The following KDM2A variants were observed in gnomAD, a reference collection of about 807,000 sequenced individuals.
KDM2A encodes the protein lysine-specific demethylase 2A.
Under a neutral mutation model 137.3 loss-of-function variants are expected in KDM2A, and 3 were observed. That is an observed-to-expected ratio of 0.02 (90% CI 0.01 to 0.06). KDM2A has a LOEUF of 0.06. Among genes scored for constraint, KDM2A ranks in the 10% least tolerant of loss-of-function variants. KDM2A has a pLI of 1.00. For synonymous variants in KDM2A, 512 were observed against 541.5 expected (o/e 0.95, Z 0.76); for missense variants, 738 against 1,510.6 (o/e 0.49, Z 8.48).
At chr11:67,235,897 C>T (rs560977843) in intron 12 of KDM2A, among the ~76,000 whole-genome samples, 10 of 152,222 alleles carry the variant, frequency 6.6e-5, no homozygotes, top group East Asian at 3.9e-4. Flanking sequence ...GGATTACAGG[C>T]GTGAGCCACT....
intron 6 of KDM2A, among the ~76,000 whole-genome samples, chr11:67,214,265 C>T (rs990781273): frequency 4.4e-5 from 6 of 137,316 alleles, no homozygotes; most frequent in African/African-American, 8.3e-5. Flanking sequence ...AGTGCAGTGG[C>T]GCAATCTCGG....
intron 2 of KDM2A, among the ~76,000 whole-genome samples, chr11:67,173,787 A>G (rs536536106): frequency 6.6e-6 from 1 of 152,236 alleles, no homozygotes; most frequent in East Asian, 1.9e-4. Flanking sequence ...ATCATAACTC[A>G]TGGCAGCCTC....
chr11:67,190,939 A>G (rs1451407259), intron 5 of KDM2A, among the ~76,000 whole-genome samples: 1 of 152,230 alleles, frequency 6.6e-6, no homozygotes, highest in East Asian at 1.9e-4. Context: ...CCCAACGAAG[A>G]AAAGGCTGGG....
At chr11:67,229,264 G>C (rs964712773) in intron 11 of KDM2A, among the ~76,000 whole-genome samples, 1 of 152,190 alleles carries the variant, frequency 6.6e-6, no homozygotes, top group Non-Finnish European at 1.5e-5. Context: ...CAAAGCTACA[G>C]CTTTTAGAGT....
intron 2 of KDM2A, among the ~76,000 whole-genome samples, chr11:67,149,869 C>T (rs569622090): frequency 6.6e-6 from 1 of 151,832 alleles, no homozygotes; most frequent in Non-Finnish European, 1.5e-5. Flanking sequence ...TACAGGCATG[C>T]GCCACCAGTC....
chr11:67,219,481 G>A (rs1051079525), intron 10 of KDM2A, 78 bp downstream of exon 10: 9 of 649,890 alleles, frequency 1.4e-5, no homozygotes, highest in Non-Finnish European at 2.1e-5. Context: ...ATTCACTGAT[G>A]GTTTATCAAA....
At position 67,254,124 on chromosome 11, in the gene KDM2A, T is replaced by A; in HGVS notation, c.3092-79T>A. The A allele has an allele frequency of 1.5e-6, 2 of 1,308,650 alleles. No individual in the cohort carries two copies. The highest frequency in any genetic ancestry group is 1.1e-6 in the Non-Finnish European group (1 of 941,596). The allele number at this position is 1,308,650 out of a possible 1,614,324, so 81.1% of individuals were successfully genotyped here. A position where few individuals can be genotyped will look rare whatever the true frequency, so the allele number is the denominator to read the frequency against. On this transcript the variant is annotated intron_variant, in intron 19 of 20. Coordinates refer to ENST00000529006, the MANE Select transcript of KDM2A (RefSeq NM_012308.3). This position sits in a 1 kb window ranked among gnomAD's most constrained non-coding sequence, Gnocchi z 4.7. ...CCTTCAAGGGGGCCTGGCCAGCAAGTAGCTGTTGCTGCCTGGAGCCTTGAA... is the reference window on the plus strand; with the variant it reads ...CCTTCAAGGGGGCCTGGCCAGCAAGAAGCTGTTGCTGCCTGGAGCCTTGAA...
intron 5 of KDM2A, among the ~76,000 whole-genome samples, chr11:67,182,903 C>T (rs6591235): frequency 0.12 from 18,300 of 152,200 alleles, 3,086 homozygotes; most frequent in African/African-American, 0.38. Context: ...TTCTTCCTAG[C>T]ACTAGAATTT....
Position 67,209,840 on chromosome 11 carries a change from C to G in KDM2A, c.486+2152C>G, listed in dbSNP as rs141631926. ...CTTTGGGAGGCTGAGGTGGGAGTATCCCTTGAGCCTAGGAGTTCAAGACCA... is the reference window on the plus strand; with the variant it reads ...CTTTGGGAGGCTGAGGTGGGAGTATGCCTTGAGCCTAGGAGTTCAAGACCA... On this transcript the variant is annotated intron_variant, in intron 6 of 20. Coordinates refer to ENST00000529006, the MANE Select transcript of KDM2A (RefSeq NM_012308.3). Among the ~76,000 whole-genome samples the G allele has an allele frequency of 5.4e-3, 816 of 152,188 alleles. 13 individuals carry two copies. The highest frequency in any genetic ancestry group is 0.018 in the African/African-American group (763 of 41,504).
chr11:67,238,253 G>A (rs536396825), intron 12 of KDM2A, among the ~76,000 whole-genome samples: 18 of 152,226 alleles, frequency 1.2e-4, no homozygotes, highest in African/African-American at 3.9e-4. Flanking sequence ...GAGTTTCCTA[G>A]TGCCCGATGT....
Position 67,255,058 on chromosome 11 carries a change from C to T in KDM2A, c.*3C>T. The T allele has an allele frequency of 6.2e-7, 1 of 1,606,334 alleles. No homozygotes were observed. On this transcript the variant is annotated 3_prime_UTR_variant, in exon 21 of 21. Coordinates refer to ENST00000529006, the MANE Select transcript of KDM2A (RefSeq NM_012308.3). ...AGCTGATACAGAAGATCAGCTAAGACACACCCAGCCCAGATTCAACAGGAA... is the reference window on the plus strand; with the variant it reads ...AGCTGATACAGAAGATCAGCTAAGATACACCCAGCCCAGATTCAACAGGAA...
chr11:67,174,250 T>C (rs924157683), intron 2 of KDM2A, among the ~76,000 whole-genome samples: 4 of 152,094 alleles, frequency 2.6e-5, no homozygotes, highest in Admixed American at 2.6e-4. Context: ...AGAGTAAGAC[T>C]CTGTCTCAAA....
intron 2 of KDM2A, among the ~76,000 whole-genome samples, chr11:67,148,129 A>C (rs1312862031): frequency 6.6e-6 from 1 of 152,098 alleles, no homozygotes; most frequent in Non-Finnish European, 1.5e-5. Flanking sequence ...TCCTTTAAGA[A>C]AACTTTGGGG....
intron 6 of KDM2A, among the ~76,000 whole-genome samples, chr11:67,213,030 C>T (rs1257186837): frequency 4.6e-5 from 7 of 152,130 alleles, no homozygotes; most frequent in Non-Finnish European, 1.0e-4. Context: ...ATTGTTGGCT[C>T]CCTGAGCAGA....
At chr11:67,240,606 T>G (rs1187998297) in intron 12 of KDM2A, among the ~76,000 whole-genome samples, 2 of 152,152 alleles carry the variant, frequency 1.3e-5, no homozygotes, top group Non-Finnish European at 2.9e-5. Flanking sequence ...CACCTTCTGT[T>G]CTCTTTCCCT....
chr11:67,251,545 C>T (rs1030065669), intron 17 of KDM2A, among the ~76,000 whole-genome samples: 6 of 152,318 alleles, frequency 3.9e-5, no homozygotes, highest in African/African-American at 1.2e-4. Context: ...CATCCTATTA[C>T]AGTAGTGTGG....
intron 8 of KDM2A, among the ~76,000 whole-genome samples, chr11:67,216,861 G>A (rs765365788): frequency 1.3e-5 from 2 of 151,892 alleles, no homozygotes; most frequent in Admixed American, 6.6e-5. Context: ...TGGAGGTTGC[G>A]GTGAGCTGAG....
chr11:67,222,333 T>C (rs1858388780), intron 10 of KDM2A, among the ~76,000 whole-genome samples: 1 of 43,462 alleles, frequency 2.3e-5, no homozygotes, highest in African/African-American at 9.1e-5. Context: ...GCACCGCCCT[T>C]AATCCATTTA....
intron 8 of KDM2A, among the ~76,000 whole-genome samples, chr11:67,216,982 C>T (rs535297586): frequency 2.6e-5 from 4 of 152,090 alleles, no homozygotes; most frequent in South Asian, 4.1e-4. Context: ...CAGTGGCTCA[C>T]GCCTGTAATC....
Sources: allele counts gnomAD v4.1 joint callset (sites outside exome capture counted in the v4.1 genomes callset), GRCh38; gene constraint gnomAD v4.1.1; non-coding constraint Gnocchi (gnomAD v3.1); transcripts MANE v1.5; gene names NCBI Gene and HGNC (gene_info 2026-07-23, HGNC 2026-07-21).